The following RNF13 variants were observed in gnomAD, a reference collection of about 807,000 sequenced individuals.
RNF13 encodes the protein E3 ubiquitin-protein ligase RNF13.
RNF13 carries 19 observed loss-of-function variants against 37.7 expected under a neutral mutation model. That is an observed-to-expected ratio of 0.50 (90% CI 0.35 to 0.74). RNF13 has a LOEUF of 0.74. Among genes scored for constraint, RNF13 ranks in the 30% least tolerant of loss-of-function variants. The pLI, the probability that RNF13 is intolerant of heterozygous loss-of-function variation, is 0.01. For synonymous variants in RNF13, 144 were observed against 157.8 expected (o/e 0.91, Z 0.65); for missense variants, 375 against 453.0 (o/e 0.83, Z 1.56).
chr3:149,849,101 A>G (rs1722908160), intron 2 of RNF13, among the ~76,000 whole-genome samples: 3 of 152,202 alleles, frequency 2.0e-5, no homozygotes, highest in Admixed American at 1.3e-4. Context: ...TTTACCCAAA[A>G]AGAAACGTAA....
At chr3:149,937,641 A>G (rs868762217) in intron 8 of RNF13, among the ~76,000 whole-genome samples, 3 of 152,254 alleles carry the variant, frequency 2.0e-5, no homozygotes, top group African/African-American at 2.4e-5. Flanking sequence ...TTAGCTCAAA[A>G]TATTTTAAAA....
intron 1 of RNF13, chr3:149,845,768 T>G (rs747579259): frequency 1.6e-5 from 5 of 316,822 alleles, no homozygotes; most frequent in Non-Finnish European, 2.9e-5. Flanking sequence ...GGATGTTTGT[T>G]TTGTGATTAA....
chr3:149,894,927 T>C (rs1559934744), intron 4 of RNF13, among the ~76,000 whole-genome samples: 1 of 152,164 alleles, frequency 6.6e-6, no homozygotes, highest in Non-Finnish European at 1.5e-5. Context: ...TATATTCTTA[T>C]GGTACAAAGG....
At chr3:149,908,106 A>T (rs995807040) in intron 6 of RNF13, among the ~76,000 whole-genome samples, 1 of 152,186 alleles carries the variant, frequency 6.6e-6, no homozygotes, top group African/African-American at 2.4e-5. Flanking sequence ...TAGTTTTATA[A>T]ACTGTTTGGT....
intron 8 of RNF13, among the ~76,000 whole-genome samples, chr3:149,921,546 G>T (rs1053669514): frequency 2.0e-5 from 3 of 151,982 alleles, no homozygotes; most frequent in Non-Finnish European, 2.9e-5. Context: ...GTGAGAACAC[G>T]CAGTGTTTGG....
chr3:149,847,041 G>A (rs1722707734), intron 2 of RNF13, among the ~76,000 whole-genome samples: 1 of 152,096 alleles, frequency 6.6e-6, no homozygotes, highest in Non-Finnish European at 1.5e-5. Context: ...TTAAGATAAG[G>A]CTTGACTAGT....
intron 3 of RNF13, among the ~76,000 whole-genome samples, chr3:149,863,338 A>G (rs890398175): frequency 6.6e-6 from 1 of 152,100 alleles, no homozygotes; most frequent in African/African-American, 2.4e-5. Context: ...GGAAAACAGT[A>G]TGTTTTATGT....
At chr3:149,860,825 A>G (rs1299941635) in intron 3 of RNF13, among the ~76,000 whole-genome samples, 2 of 152,160 alleles carry the variant, frequency 1.3e-5, no homozygotes, top group Admixed American at 6.6e-5. Flanking sequence ...TGAAGAGACA[A>G]CCTGTTGAAT....
chr3:149,942,307 A>G (rs75330096), intron 8 of RNF13, among the ~76,000 whole-genome samples: 192 of 152,246 alleles, frequency 1.3e-3, no homozygotes, highest in African/African-American at 4.3e-3. Flanking sequence ...CAGTTTGACA[A>G]TGTTAAGTCT....
intron 7 of RNF13, among the ~76,000 whole-genome samples, chr3:149,912,481 A>G (rs1171401770): frequency 6.6e-6 from 1 of 152,168 alleles, no homozygotes; most frequent in Non-Finnish European, 1.5e-5. Context: ...TACTAAACCT[A>G]GTAATGACAT....
intron 3 of RNF13, among the ~76,000 whole-genome samples, chr3:149,860,270 A>AAAATAT (rs1302318768): frequency 1.5e-4 from 16 of 104,092 alleles, no homozygotes; most frequent in East Asian, 6.8e-4. Flanking sequence ...AAAAAAAAAA[A>AAAATAT]ATATATATAT....
chr3:149,937,711 C>A (rs1719843168), intron 8 of RNF13, among the ~76,000 whole-genome samples: 1 of 151,978 alleles, frequency 6.6e-6, no homozygotes, highest in South Asian at 2.1e-4. Context: ...TTTTAATCTT[C>A]ACATGTTTGG....
intron 8 of RNF13, among the ~76,000 whole-genome samples, chr3:149,931,593 G>A (rs112226155): frequency 1.8e-4 from 28 of 151,904 alleles, no homozygotes; most frequent in East Asian, 1.4e-3. Flanking sequence ...ACATATTTAT[G>A]GGGTACATGT....
intron 4 of RNF13, among the ~76,000 whole-genome samples, chr3:149,876,608 G>C (rs1712727849): frequency 6.6e-6 from 1 of 151,912 alleles, no homozygotes; most frequent in African/African-American, 2.4e-5. Context: ...CATATGTGCT[G>C]AGCAGTCTCT....
intron 1 of RNF13, among the ~76,000 whole-genome samples, chr3:149,822,952 C>A (rs1720134701): frequency 6.6e-6 from 1 of 151,948 alleles, no homozygotes; most frequent in Non-Finnish European, 1.5e-5. Flanking sequence ...CTTGAAGTTT[C>A]CAAATAGCCT....
At chr3:149,959,127 T>G (rs1722141588) in intron 8 of RNF13, among the ~76,000 whole-genome samples, 1 of 152,216 alleles carries the variant, frequency 6.6e-6, no homozygotes. Flanking sequence ...GTTTTATAAG[T>G]TTTTATCTAA....
chr3:149,960,811 G>A lies in RNF13; in HGVS notation c.853G>A (p.Val285Ile). The A allele has an allele frequency of 1.2e-6, 2 of 1,614,164 alleles. No individual in the cohort carries two copies. The highest frequency in any genetic ancestry group is 1.7e-6 in the Non-Finnish European group (2 of 1,180,032). Reference sequence around the variant, plus strand: ...AACCTGTCCAGTGTGCAAGCAAAAAGTTGTTCCTTCTCAAGGCGATTCAGA... The same window carrying A: ...AACCTGTCCAGTGTGCAAGCAAAAAATTGTTCCTTCTCAAGGCGATTCAGA... The part of the protein sequence containing the change: ...KKTCPVCKQK[V>I]VPSQGDSDSD... The change falls in exon 10 of 10, where the codon GTT becomes ATT. Residue 285 changes from valine (V) to isoleucine (I), a missense_variant. Physicochemically the swap from Val to Ile is conservative, Grantham distance 29 (BLOSUM62 3). Coordinates refer to ENST00000392894, the MANE Select transcript of RNF13 (RefSeq NM_183381.3).
At chr3:149,891,810 T>C (rs767448758) in intron 4 of RNF13, among the ~76,000 whole-genome samples, 2 of 152,266 alleles carry the variant, frequency 1.3e-5, no homozygotes, top group Non-Finnish European at 1.5e-5. Flanking sequence ...AGGTTGCATT[T>C]TATGAATGGG....
chr3:149,936,439 CTCTT>C (rs1473774652), intron 8 of RNF13, among the ~76,000 whole-genome samples: 2 of 152,056 alleles, frequency 1.3e-5, no homozygotes, highest in Non-Finnish European at 2.9e-5. Context: ...TATGTCTCCT[CTCTT>C]TATATATTTT....
Sources: allele counts gnomAD v4.1 joint callset (sites outside exome capture counted in the v4.1 genomes callset), GRCh38; gene constraint gnomAD v4.1.1; transcripts MANE v1.5; gene names NCBI Gene and HGNC (gene_info 2026-07-23, HGNC 2026-07-21).